Variants in COG5 observed in about 807,000 individuals in gnomAD.
The protein encoded by COG5 is component of oligomeric golgi complex 5.
COG5 carries 86 observed loss-of-function variants against 110.4 expected under a neutral mutation model. The ratio of observed to expected loss-of-function variants is 0.78; its 90% CI spans 0.65 to 0.93. The LOEUF is 0.93. Ranked by LOEUF, COG5 falls within the 40% of genes least tolerant of loss-of-function variation. COG5 has a pLI of 0.00. For missense variants in COG5, 1,077 were observed against 987.0 expected (o/e 1.09, Z -1.22); for synonymous variants, 360 against 334.6 (o/e 1.08, Z -0.83).
chr7:107,557,622 T>C (rs1040760763), intron 2 of COG5, among the ~76,000 whole-genome samples: 5 of 152,232 alleles, frequency 3.3e-5, no homozygotes, highest in Non-Finnish European at 4.4e-5. Flanking sequence ...AAAGTATGAA[T>C]TGCGAATGTA....
intron 12 of COG5, among the ~76,000 whole-genome samples, chr7:107,296,931 A>G (rs544529788): frequency 6.6e-6 from 1 of 152,330 alleles, no homozygotes; most frequent in East Asian, 1.9e-4. Flanking sequence ...TCTAGTGTTT[A>G]AAGAAAGGTG....
chr7:107,510,202 G>A (rs1236268568), intron 6 of COG5, among the ~76,000 whole-genome samples: 4 of 151,906 alleles, frequency 2.6e-5, no homozygotes, highest in Non-Finnish European at 5.9e-5. Context: ...GATGGAGGAA[G>A]ATCTACCAAG....
chr7:107,482,299 T>A (rs1018386850), intron 6 of COG5, among the ~76,000 whole-genome samples: 5 of 151,646 alleles, frequency 3.3e-5, no homozygotes, highest in African/African-American at 1.2e-4. Flanking sequence ...GGCACCACCA[T>A]ACCCAGCTAA....
At chr7:107,494,407 T>C (rs1798146118) in intron 6 of COG5, among the ~76,000 whole-genome samples, 1 of 152,150 alleles carries the variant, frequency 6.6e-6, no homozygotes, top group South Asian at 2.1e-4. Context: ...AGTGGTCCCA[T>C]AAGATTATAA....
At chr7:107,382,083 G>A (rs1431636439) in intron 7 of COG5, among the ~76,000 whole-genome samples, 2 of 152,228 alleles carry the variant, frequency 1.3e-5, no homozygotes, top group Non-Finnish European at 2.9e-5. Context: ...TAAGGGGTCA[G>A]TCGTGACGTG....
intron 19 of COG5, among the ~76,000 whole-genome samples, chr7:107,218,365 T>A (rs943657209): frequency 6.6e-6 from 1 of 152,124 alleles, no homozygotes; most frequent in African/African-American, 2.4e-5. Context: ...AAAATTCATA[T>A]GGAACCATAA....
chr7:107,401,457 T>C (rs1791418229), intron 7 of COG5, among the ~76,000 whole-genome samples: 1 of 152,176 alleles, frequency 6.6e-6, no homozygotes, highest in East Asian at 1.9e-4. Flanking sequence ...TGAATACCAA[T>C]GTACTCCACA....
At chr7:107,548,073 GAAT>G (rs753346673) in intron 5 of COG5, 35 bp downstream of exon 5, 56 of 1,540,916 alleles carry the variant, frequency 3.6e-5, no homozygotes, top group Non-Finnish European at 4.6e-5. Flanking sequence ...AAAACAAAAT[GAAT>G]AATAAAGTAT....
At chr7:107,212,068 G>A (rs1487745010) in intron 19 of COG5, among the ~76,000 whole-genome samples, 1 of 152,096 alleles carries the variant, frequency 6.6e-6, no homozygotes, top group Non-Finnish European at 1.5e-5. Flanking sequence ...ATGAATGAAG[G>A]CCTGTACAAA....
intron 6 of COG5, among the ~76,000 whole-genome samples, chr7:107,424,962 C>G (rs1215391685): frequency 2.7e-4 from 41 of 152,004 alleles, no homozygotes; most frequent in Admixed American, 2.7e-3. Flanking sequence ...TAAGGGAATC[C>G]TAGGGTAAAC....
At chr7:107,248,131 A>G (rs528004799) in intron 17 of COG5, among the ~76,000 whole-genome samples, 2 of 152,180 alleles carry the variant, frequency 1.3e-5, no homozygotes, top group Non-Finnish European at 2.9e-5. Context: ...TTATGTTTCA[A>G]TAAGAGAGAA....
intron 8 of COG5, among the ~76,000 whole-genome samples, chr7:107,369,346 C>T (rs1429815708): frequency 1.4e-5 from 2 of 145,130 alleles, no homozygotes; most frequent in South Asian, 4.4e-4. Context: ...ATTGCTTGTA[C>T]TTTTTCACTA....
chr7:107,268,649 T>G (rs1478554844), intron 14 of COG5, among the ~76,000 whole-genome samples: 1 of 152,246 alleles, frequency 6.6e-6, no homozygotes, highest in African/African-American at 2.4e-5. Context: ...TATCCACTTG[T>G]GCTTTATTAG....
At chr7:107,442,591 C>T (rs1170232562) in intron 6 of COG5, among the ~76,000 whole-genome samples, 1 of 144,896 alleles carries the variant, frequency 6.9e-6, no homozygotes, top group Admixed American at 7.0e-5. Flanking sequence ...CCTCTGGCTA[C>T]ATGTTACCTT....
intron 6 of COG5, among the ~76,000 whole-genome samples, chr7:107,446,994 G>C (rs1344231001): frequency 6.6e-6 from 1 of 152,222 alleles, no homozygotes; most frequent in African/African-American, 2.4e-5. Context: ...TTGCAAACCT[G>C]AAATCAAGGT....
At chr7:107,444,950 G>A (rs1237749056) in intron 6 of COG5, among the ~76,000 whole-genome samples, 1 of 152,144 alleles carries the variant, frequency 6.6e-6, no homozygotes, top group African/African-American at 2.4e-5. Flanking sequence ...CACTTTGGGA[G>A]GCCAAGGCGG....
chr7:107,451,280 G>T (rs1795320423), intron 6 of COG5, among the ~76,000 whole-genome samples: 1 of 152,136 alleles, frequency 6.6e-6, no homozygotes, highest in South Asian at 2.1e-4. Context: ...AAGGGTTTCA[G>T]GAGTGTTTCC....
At chr7:107,256,559 C>G (rs1802892369) in intron 16 of COG5, among the ~76,000 whole-genome samples, 173 bp downstream of exon 16, 1 of 152,096 alleles carries the variant, frequency 6.6e-6, no homozygotes, top group South Asian at 2.1e-4. Context: ...TTTTTAAATT[C>G]TAGAAAACAT....
intron 10 of COG5, among the ~76,000 whole-genome samples, chr7:107,333,859 T>C (rs928189407): frequency 6.6e-6 from 1 of 152,156 alleles, no homozygotes; most frequent in Admixed American, 6.6e-5. Flanking sequence ...CCCAAATGCC[T>C]AATGCCTAAT....
Sources: allele counts gnomAD v4.1 joint callset (sites outside exome capture counted in the v4.1 genomes callset), GRCh38; gene constraint gnomAD v4.1.1; transcripts MANE v1.5; gene names NCBI Gene and HGNC (gene_info 2026-07-23, HGNC 2026-07-21).